TIAM1: variants seen among roughly 807,000 people sequenced by gnomAD.
TIAM1 encodes the protein rho guanine nucleotide exchange factor TIAM1.
In TIAM1, 65 loss-of-function variants were observed where a neutral mutation model predicts 163.5. That is an observed-to-expected ratio of 0.40 (90% CI 0.33 to 0.49). The LOEUF (loss-of-function observed/expected upper bound fraction) is 0.49, where lower values mean the gene tolerates loss of function less well. TIAM1 is among the 20% of genes least tolerant of loss of function. TIAM1 has a pLI of 0.77. For missense variants in TIAM1, 1,789 were observed against 2,044.7 expected, an observed-to-expected ratio of 0.87 and a Z score of 2.41; for synonymous variants, 833 against 810.1, an observed-to-expected ratio of 1.03 and a Z score of -0.48.
At chr21:31,278,765 A>G (rs189280522) in intron 2 of TIAM1, among the ~76,000 whole-genome samples, 3 of 152,214 alleles carry the variant, frequency 2.0e-5, no homozygotes, top group Admixed American at 2.0e-4. Flanking sequence ...TTACCCCACA[A>G]TATATTCCCT....
chr21:31,369,225 C>CAAAAAAAAAAAAAAAAA (rs67890846), intron 2 of TIAM1, among the ~76,000 whole-genome samples: 23 of 121,092 alleles, frequency 1.9e-4, no homozygotes, highest in African/African-American at 6.8e-4. Flanking sequence ...GAATCCATCT[C>CAAAAAAAAAAAAAAAAA]AAAAAAAAAG....
At chr21:31,506,269 C>CGT (rs1258853158) in intron 1 of TIAM1, among the ~76,000 whole-genome samples, 1 of 149,574 alleles carries the variant, frequency 6.7e-6, no homozygotes, top group Admixed American at 6.6e-5. Context: ...CGTACACACA[C>CGT]ACACACACAC....
At chr21:31,338,083 G>A (rs975515736) in intron 2 of TIAM1, among the ~76,000 whole-genome samples, 3 of 152,084 alleles carry the variant, frequency 2.0e-5, no homozygotes, top group African/African-American at 7.2e-5. Flanking sequence ...TATCTGCTCC[G>A]TGTCCAGACA....
chr21:31,365,631 T>C (rs1273888913), intron 2 of TIAM1, among the ~76,000 whole-genome samples: 1 of 151,784 alleles, frequency 6.6e-6, no homozygotes, highest in African/African-American at 2.4e-5. Flanking sequence ...GACCTCGTGA[T>C]CCACCTGCCT....
chr21:31,165,836 A>G (rs1053974764), intron 15 of TIAM1, among the ~76,000 whole-genome samples: 2 of 152,250 alleles, frequency 1.3e-5, no homozygotes, highest in African/African-American at 4.8e-5. Flanking sequence ...CCATTACCTG[A>G]AAAATCCTGC....
chr21:31,369,696 CAT>C (rs1260885660), intron 2 of TIAM1, among the ~76,000 whole-genome samples: 2 of 152,062 alleles, frequency 1.3e-5, no homozygotes, highest in African/African-American at 2.4e-5. Flanking sequence ...ACAATTATTA[CAT>C]GTCAACTAAA....
At chr21:31,138,910 T>C (rs2186326) in intron 22 of TIAM1, among the ~76,000 whole-genome samples, 117,303 of 152,200 alleles carry the variant, frequency 0.77, 46,170 homozygotes, top group African/African-American at 0.94. Context: ...GCCAGAAATT[T>C]TCTGGGCTTT....
rs188569120 is a variant in TIAM1 at position 31,151,577 on chromosome 21, A to G, written c.3366+1059T>C. Among the ~76,000 whole-genome samples, 10 of 152,304 alleles carry G rather than the reference A, an allele frequency of 6.6e-5. No individual in the cohort carries two copies. The South Asian group carries it at 8.3e-4, about 13-fold the overall frequency. ...GTAGAGTGGGAGGGCAGTAAGAGGC[A>G]GAAGAGAAAAACCACAAAAGGGCAG... is the stretch of plus-strand genomic sequence containing the variant. On this transcript the variant is annotated intron_variant, in intron 19 of 27. Coordinates refer to ENST00000541036, the MANE Select transcript of TIAM1 (RefSeq NM_001353694.2).
intron 6 of TIAM1, among the ~76,000 whole-genome samples, chr21:31,233,860 T>C (rs1453467864): frequency 1.3e-5 from 2 of 152,152 alleles, no homozygotes; most frequent in Non-Finnish European, 2.9e-5. Flanking sequence ...ACAGGGACCG[T>C]GCGCTGCAAA....
At position 31,252,027 on chromosome 21, in the gene TIAM1, C is replaced by T. The variant is rs1411331187; in HGVS notation, c.1126G>A (p.Gly376Arg). 5 of 1,613,968 alleles carry T rather than the reference C, an allele frequency of 3.1e-6. No individual in the cohort carries two copies. The Admixed American group carries it at 5.0e-5, about 16-fold the overall frequency. The change falls in exon 5 of 28, where the codon GGG becomes AGG. Residue 376 changes from glycine (G) to arginine (R), a missense_variant. Around this residue, in one of 5 missense-constraint regions of TIAM1, gnomAD observed 555 missense variants for 564.9 expected, o/e 0.98. Transcript: ENST00000541036. Reference sequence around the variant, plus strand: ...TACACCCCCTGACGAGCCGCATCCCCGGTGGAGCTGCTGCCGCTGTCGCTG... The same window carrying T: ...TACACCCCCTGACGAGCCGCATCCCTGGTGGAGCTGCTGCCGCTGTCGCTG... ...VGSDSGSSSTGDAARQGVYEN... is the reference protein window; with the variant it reads ...VGSDSGSSSTRDAARQGVYEN...
At chr21:31,335,965 G>C (rs764220136) in intron 2 of TIAM1, among the ~76,000 whole-genome samples, 12 of 152,178 alleles carry the variant, frequency 7.9e-5, no homozygotes, top group Non-Finnish European at 1.5e-4. Flanking sequence ...CAGAGGGGCT[G>C]TGAGGTGCAA....
intron 11 of TIAM1, among the ~76,000 whole-genome samples, chr21:31,203,530 C>T (rs2086308337): frequency 6.6e-6 from 1 of 152,360 alleles, no homozygotes; most frequent in African/African-American, 2.4e-5. Context: ...ACACTGGTAA[C>T]ATTCCAAGGG....
chr21:31,425,788 G>A (rs899475031), intron 2 of TIAM1, among the ~76,000 whole-genome samples: 39 of 151,676 alleles, frequency 2.6e-4, no homozygotes, highest in African/African-American at 7.5e-4. Flanking sequence ...CCTCCGCCTC[G>A]CAGGTTCAAG....
At position 31,405,634 on chromosome 21, in the gene TIAM1, C is replaced by CA. The variant is rs201148102; in HGVS notation, c.-369+58348dup. The stretch of plus-strand genomic sequence containing the variant: ...CACATCTTTCATAGATTGCAGCAGG[C>CA]AAAAAAAAGAGCTTGTGCAGAGAAA... On this transcript the variant is annotated intron_variant, in intron 2 of 28. Coordinates refer to the TIAM1 transcript ENST00000286827. 5.8e-3 allele frequency among the ~76,000 whole-genome samples: 874 copies of CA among 151,534 alleles called. 11 individuals carry two copies. The highest frequency in any genetic ancestry group is 0.019 in the African/African-American group (769 of 41,310).
chr21:31,374,649 G>A (rs907707747), intron 2 of TIAM1, among the ~76,000 whole-genome samples: 2 of 152,116 alleles, frequency 1.3e-5, no homozygotes, highest in South Asian at 2.1e-4. Flanking sequence ...CACCCATCAC[G>A]CTGCTCCTGC....
intron 6 of TIAM1, among the ~76,000 whole-genome samples, chr21:31,232,732 C>G (rs892601524): frequency 1.3e-5 from 2 of 152,126 alleles, no homozygotes; most frequent in African/African-American, 4.8e-5. Context: ...ACATCAGATT[C>G]ATGATGGGTC....
intron 2 of TIAM1, among the ~76,000 whole-genome samples, chr21:31,410,309 AGTGT>A (rs921022231): frequency 1.1e-3 from 167 of 151,378 alleles, no homozygotes; most frequent in African/African-American, 3.8e-3. Flanking sequence ...GTAATGAGAC[AGTGT>A]GTGTGTGAGT....
chr21:31,146,870 A>AC, intron 20 of TIAM1, 25 bp downstream of exon 20: 1 of 1,590,094 alleles, frequency 6.3e-7, no homozygotes, highest in Non-Finnish European at 8.6e-7. Flanking sequence ...ACACACCCCC[A>AC]CCTCCACATC....
intron 16 of TIAM1, among the ~76,000 whole-genome samples, chr21:31,162,728 GTCT>G (rs2083991333): frequency 1.3e-5 from 2 of 149,210 alleles, no homozygotes; most frequent in Admixed American, 6.8e-5. Flanking sequence ...TGCAACCTCT[GTCT>G]CCCAGGTTCA....
Sources: gnomAD v4.1 joint callset for allele counts (sites outside exome capture counted in the v4.1 genomes callset) on GRCh38, gnomAD v4.1.1 for gene constraint, gnomAD v4.1.1 regional missense constraint, MANE v1.5 for transcripts, NCBI Gene and HGNC (gene_info 2026-07-23, HGNC 2026-07-21) for gene names.